Variants in B3GALT1 observed in about 807,000 individuals in gnomAD.
B3GALT1 encodes UDP-Gal:betaGlcNAc beta 1,3-galactosyltransferase, polypeptide 1.
B3GALT1 carries 10 observed loss-of-function variants against 23.2 expected under a neutral mutation model. The ratio of observed to expected loss-of-function variants is 0.43; its 90% CI spans 0.27 to 0.73. B3GALT1 has a LOEUF of 0.73. Among genes scored for constraint, B3GALT1 ranks in the 30% least tolerant of loss-of-function variants. The pLI is 0.21. For synonymous variants in B3GALT1, 156 were observed against 141.5 expected, an observed-to-expected ratio of 1.10 and a Z score of -0.73; for missense variants, 299 against 405.4, an observed-to-expected ratio of 0.74 and a Z score of 2.25.
chr2:167,664,977 T>G (rs1172896930), intron 3 of B3GALT1, among the ~76,000 whole-genome samples: 1 of 151,132 alleles, frequency 6.6e-6, no homozygotes, highest in Non-Finnish European at 1.5e-5. Context: ...CTAATTGCCC[T>G]GGCCAGAACT....
chr2:167,454,437 G>T (rs1359071065), intron 1 of B3GALT1, among the ~76,000 whole-genome samples: 1 of 152,156 alleles, frequency 6.6e-6, no homozygotes, highest in Non-Finnish European at 1.5e-5. Flanking sequence ...GCCAACGTCA[G>T]CATTGTAAAA....
At chr2:167,759,826 G>A (rs138153638) in intron 3 of B3GALT1, among the ~76,000 whole-genome samples, 1 of 152,310 alleles carries the variant, frequency 6.6e-6, no homozygotes, top group East Asian at 1.9e-4. Flanking sequence ...ATCTTGCAAA[G>A]TGTGTATCTT....
At chr2:167,313,591 C>T (rs530748631) in intron 1 of B3GALT1, among the ~76,000 whole-genome samples, 62 of 152,186 alleles carry the variant, frequency 4.1e-4, no homozygotes, top group African/African-American at 1.4e-3. Flanking sequence ...CAGATCATCC[C>T]ATTCGTTTCT....
intron 1 of B3GALT1, among the ~76,000 whole-genome samples, chr2:167,306,733 C>T (rs921071542): frequency 3.3e-5 from 5 of 151,974 alleles, no homozygotes; most frequent in Non-Finnish European, 7.4e-5. Context: ...AGTCTCATTT[C>T]TCATGATATT....
chr2:167,695,094 T>C (rs915540306), intron 3 of B3GALT1, among the ~76,000 whole-genome samples: 22 of 152,154 alleles, frequency 1.4e-4, no homozygotes, highest in African/African-American at 5.3e-4. Flanking sequence ...AATCTTCTTA[T>C]AGGTCTCAAA....
chr2:167,797,428 A>G (rs1688561874), intron 3 of B3GALT1, among the ~76,000 whole-genome samples: 1 of 152,184 alleles, frequency 6.6e-6, no homozygotes, highest in Admixed American at 6.5e-5. Flanking sequence ...GAATAGTGCT[A>G]GAATGAATAT....
intron 3 of B3GALT1, among the ~76,000 whole-genome samples, chr2:167,749,499 A>G (rs1484816942): frequency 1.3e-5 from 2 of 152,196 alleles, no homozygotes; most frequent in African/African-American, 4.8e-5. Flanking sequence ...TTTGTTGTTA[A>G]CATATGTGAG....
At chr2:167,305,605 C>T (rs1000700190) in intron 1 of B3GALT1, among the ~76,000 whole-genome samples, 12 of 152,024 alleles carry the variant, frequency 7.9e-5, no homozygotes, top group South Asian at 2.1e-4. Context: ...TTCAGTTGCA[C>T]GGTTAATAAT....
intron 3 of B3GALT1, among the ~76,000 whole-genome samples, chr2:167,807,995 G>A (rs1355028297): frequency 3.3e-5 from 5 of 152,060 alleles, no homozygotes; most frequent in Non-Finnish European, 7.4e-5. Flanking sequence ...CCTGTATTGG[G>A]TGCATATATA....
chr2:167,528,574 A>G (rs962732913), intron 2 of B3GALT1, among the ~76,000 whole-genome samples: 1 of 152,160 alleles, frequency 6.6e-6, no homozygotes, highest in African/African-American at 2.4e-5. Context: ...CTATGGTTGC[A>G]TGACATTAGA....
At chr2:167,696,439 T>C (rs1686793516) in intron 3 of B3GALT1, among the ~76,000 whole-genome samples, 1 of 152,164 alleles carries the variant, frequency 6.6e-6, no homozygotes, top group South Asian at 2.1e-4. Context: ...TACTACTTTC[T>C]TCATTAAAGC....
intron 1 of B3GALT1, among the ~76,000 whole-genome samples, chr2:167,458,842 A>G (rs1424898943): frequency 2.0e-5 from 3 of 152,120 alleles, no homozygotes; most frequent in Non-Finnish European, 4.4e-5. Flanking sequence ...AAATGCAACT[A>G]AGTTTTTTGT....
At chr2:167,516,142 G>A (rs1449572558) in intron 2 of B3GALT1, among the ~76,000 whole-genome samples, 1 of 151,930 alleles carries the variant, frequency 6.6e-6, no homozygotes, top group East Asian at 1.9e-4. Flanking sequence ...CCTATCTCTA[G>A]CTAGAAGATT....
intron 1 of B3GALT1, among the ~76,000 whole-genome samples, chr2:167,349,098 C>G (rs1449492851): frequency 6.6e-6 from 1 of 152,170 alleles, no homozygotes; most frequent in African/African-American, 2.4e-5. Flanking sequence ...TACTTGCCCC[C>G]TGCCATTCAT....
At chr2:167,530,949 T>C (rs1398435124) in intron 2 of B3GALT1, among the ~76,000 whole-genome samples, 1 of 152,210 alleles carries the variant, frequency 6.6e-6, no homozygotes, top group Admixed American at 6.6e-5. Flanking sequence ...GGTGCACTAA[T>C]GCTTGTTGTA....
intron 1 of B3GALT1, among the ~76,000 whole-genome samples, chr2:167,334,829 T>C (rs944510722): frequency 1.3e-5 from 2 of 152,208 alleles, no homozygotes; most frequent in African/African-American, 2.4e-5. Flanking sequence ...CTCTCAAGAA[T>C]TATGTTATAG....
chr2:167,627,948 A>T (rs73015417), intron 2 of B3GALT1, among the ~76,000 whole-genome samples: 169 of 151,692 alleles, frequency 1.1e-3, no homozygotes, highest in African/African-American at 3.7e-3. Context: ...TCCTCTGCTG[A>T]CTGATAATTT....
At chr2:167,516,968 ATATG>A (rs59139595) in intron 2 of B3GALT1, among the ~76,000 whole-genome samples, 75,268 of 149,740 alleles carry the variant, frequency 0.5, 20,769 homozygotes, top group East Asian at 0.96. Context: ...ATATATATAT[ATATG>A]ACACTTAAGC....
chr2:167,504,919 T>C (rs1325892925), intron 2 of B3GALT1, among the ~76,000 whole-genome samples: 1 of 152,194 alleles, frequency 6.6e-6, no homozygotes, highest in African/African-American at 2.4e-5. Flanking sequence ...CAAGATCACC[T>C]AACAATGCAT....
Sources: gnomAD v4.1 joint callset for allele counts (sites outside exome capture counted in the v4.1 genomes callset) on GRCh38, gnomAD v4.1.1 for gene constraint, MANE v1.5 for transcripts, NCBI Gene and HGNC (gene_info 2026-07-23, HGNC 2026-07-21) for gene names.